Variants in SPSB4 observed in about 807,000 individuals in gnomAD.
SPSB4 encodes the protein splA/ryanodine receptor domain and SOCS box containing 4.
Under a neutral mutation model 20.9 loss-of-function variants are expected in SPSB4, and 21 were observed. The observed-to-expected ratio is 1.01, with a 90% CI of 0.71 to 1.45. SPSB4 has a LOEUF of 1.45. Among genes scored for constraint, SPSB4 ranks in the 40% most tolerant of loss-of-function variants. The pLI, the probability that SPSB4 is intolerant of heterozygous loss-of-function variation, is 0.00. For missense variants in SPSB4, 399 were observed against 399.2 expected (o/e 1.00, Z 0.00); for synonymous variants, 207 against 183.8 (o/e 1.13, Z -1.02).
chr3:141,064,793 C>T (rs557988571), intron 1 of SPSB4, among the ~76,000 whole-genome samples: 118 of 152,340 alleles, frequency 7.7e-4, no homozygotes, highest in African/African-American at 2.7e-3. Flanking sequence ...TCTCCATACC[C>T]AGGGCCCGTC....
At chr3:141,134,056 C>CTTTTTTTTTTTTTTTTTT (rs1222303281) in intron 2 of SPSB4, among the ~76,000 whole-genome samples, 6 of 61,632 alleles carry the variant, frequency 9.7e-5, no homozygotes, top group Admixed American at 4.4e-4. Context: ...TTTCTTTTTT[C>CTTTTTTTTTTTTTTTTTT]TTTTTTTTTT....
At chr3:141,114,051 G>T (rs971086703) in intron 2 of SPSB4, among the ~76,000 whole-genome samples, 1 of 152,166 alleles carries the variant, frequency 6.6e-6, no homozygotes, top group Non-Finnish European at 1.5e-5. Flanking sequence ...TCACACCACT[G>T]CACTCTAGCC....
chr3:141,074,553 C>G (rs16851047), intron 2 of SPSB4, among the ~76,000 whole-genome samples: 19,474 of 152,224 alleles, frequency 0.13, 4,005 homozygotes, highest in African/African-American at 0.44. Context: ...CTGAGGTTCA[C>G]AGGCCATTGT....
chr3:141,072,573 G>A (rs541205185), intron 2 of SPSB4, among the ~76,000 whole-genome samples: 6 of 152,170 alleles, frequency 3.9e-5, no homozygotes, highest in Admixed American at 1.3e-4. Context: ...TTTGCCTTTC[G>A]TCATGAGTAA....
At position 141,137,100 on chromosome 3, in the gene SPSB4, C is replaced by T. The variant is rs538185290; in HGVS notation, c.695-10042C>T. ...CCTAGGTATTTTATTCTCTTTGAAGCAACTTTGAATGGGAGTTCACTCATG... is the reference window on the plus strand; with the variant it reads ...CCTAGGTATTTTATTCTCTTTGAAGTAACTTTGAATGGGAGTTCACTCATG... On this transcript the variant is annotated intron_variant, in intron 2 of 2. Coordinates refer to ENST00000310546, the MANE Select transcript of SPSB4 (RefSeq NM_080862.3). 3.3e-5 allele frequency among the ~76,000 whole-genome samples: 5 copies of T among 152,222 alleles called. No individual in the cohort carries two copies. The South Asian group carries it at 1.0e-3, about 32-fold the overall frequency.
intron 2 of SPSB4, among the ~76,000 whole-genome samples, chr3:141,140,238 A>AT (rs536439818): frequency 1.3e-5 from 2 of 151,544 alleles, no homozygotes; most frequent in African/African-American, 2.4e-5. Flanking sequence ...CATTCGTCTA[A>AT]TTTTTTTTCA....
At position 141,070,661 on chromosome 3, in the gene SPSB4, G is replaced by A. The variant is rs1188848901; in HGVS notation, c.694+3863G>A. On this transcript the variant is annotated intron_variant, in intron 2 of 2. Transcript: ENST00000310546. ...CCCAAAGCACTGGGATTACAGGCGT[G>A]AGACACGTCACCCGGCCATTTTGCA... Among the ~76,000 whole-genome samples the A allele has an allele frequency of 3.3e-5, 5 of 152,192 alleles. 1 individual carries two copies. The highest frequency in any genetic ancestry group is 9.7e-5 in the African/African-American group (4 of 41,430).
intron 2 of SPSB4, among the ~76,000 whole-genome samples, chr3:141,070,507 A>G (rs996890336): frequency 1.2e-4 from 18 of 151,930 alleles, no homozygotes; most frequent in African/African-American, 4.4e-4. Flanking sequence ...ATATATAAAT[A>G]TGAATGAAAC....
At chr3:141,113,199 G>A (rs1390822399) in intron 2 of SPSB4, among the ~76,000 whole-genome samples, 1 of 152,158 alleles carries the variant, frequency 6.6e-6, no homozygotes, top group East Asian at 1.9e-4. Context: ...AATGTAAAAC[G>A]ATGCAGCTGC....
Position 141,066,356 on chromosome 3 carries a change from C to G in SPSB4, c.252C>G (p.Thr84=). 2.6e-6 allele frequency: 4 copies of G among 1,559,156 alleles called. No individual in the cohort carries two copies. The South Asian group carries it at 4.7e-5, about 18-fold the overall frequency. Residue 84 remains threonine (T), a synonymous_variant, in exon 2 of 3, where the codon ACC becomes ACG. Coordinates refer to ENST00000310546, the MANE Select transcript of SPSB4 (RefSeq NM_080862.3). ...ACCGGCACCCCGTGGCCCAGAGCAC[C>G]GACGGCATCCGCGGCAAGGTGGGCC... The part of the protein sequence containing the change: ...TFHRHPVAQS[T]DGIRGKVGHA...
intron 2 of SPSB4, among the ~76,000 whole-genome samples, chr3:141,143,297 G>A (rs758101624): frequency 7.2e-5 from 11 of 152,200 alleles, no homozygotes; most frequent in Non-Finnish European, 1.3e-4. Flanking sequence ...TACTTGGTTG[G>A]TGGATTTTTA....
chr3:141,107,962 AAAAT>A (rs1335605201), intron 2 of SPSB4, among the ~76,000 whole-genome samples: 17 of 121,482 alleles, frequency 1.4e-4, no homozygotes, highest in Non-Finnish European at 2.7e-4. Context: ...CTTAAAAAAA[AAAAT>A]AAAATAAAAG....
intron 2 of SPSB4, among the ~76,000 whole-genome samples, chr3:141,078,742 T>C (rs1338386108): frequency 2.6e-5 from 4 of 152,218 alleles, no homozygotes; most frequent in African/African-American, 4.8e-5. Context: ...CCAAGCACTC[T>C]GCCAAAAGCC....
intron 2 of SPSB4, among the ~76,000 whole-genome samples, chr3:141,086,795 A>G (rs1430567399): frequency 6.6e-6 from 1 of 152,206 alleles, no homozygotes. Context: ...TCAGCACTTT[A>G]TATGTGTCAC....
intron 2 of SPSB4, among the ~76,000 whole-genome samples, chr3:141,128,088 C>T (rs934629989): frequency 2.0e-5 from 3 of 152,152 alleles, no homozygotes; most frequent in African/African-American, 2.4e-5. Flanking sequence ...GACGGCCCTG[C>T]GGCCTCCAGG....
intron 2 of SPSB4, among the ~76,000 whole-genome samples, chr3:141,098,182 A>G (rs1938571651): frequency 2.0e-5 from 3 of 152,202 alleles, no homozygotes; most frequent in Admixed American, 2.0e-4. Context: ...CTGCAATGCT[A>G]TGGTTAAAAA....
intron 2 of SPSB4, among the ~76,000 whole-genome samples, chr3:141,114,736 T>G (rs1938858363): frequency 6.6e-6 from 1 of 152,236 alleles, no homozygotes; most frequent in Non-Finnish European, 1.5e-5. Context: ...TTCTGCCTTT[T>G]CCCAATTCAA....
chr3:141,143,195 G>T lies in SPSB4; in HGVS notation c.695-3947G>T, dbSNP rs545868537. ...AGAATCGCTACTCTTGCTTGCTTCT[G>T]GTTTCCATTTGCATGGAATATCTCT... On this transcript the variant is annotated intron_variant, in intron 2 of 2. Transcript: ENST00000310546. Among the ~76,000 whole-genome samples, 62 of 152,212 alleles carry T rather than the reference G, an allele frequency of 4.1e-4. 1 individual carries two copies. Among genetic ancestry groups the T allele is most frequent in the Admixed American group, 1.8e-3 (28 of 15,274 alleles).
At chr3:141,088,766 C>T (rs569856537) in intron 2 of SPSB4, among the ~76,000 whole-genome samples, 4 of 152,258 alleles carry the variant, frequency 2.6e-5, no homozygotes, top group Non-Finnish European at 4.4e-5. Context: ...AGCTCATTCA[C>T]ACATTCTCTC....
Sources: gnomAD v4.1 joint callset for allele counts (sites outside exome capture counted in the v4.1 genomes callset) on GRCh38, gnomAD v4.1.1 for gene constraint, MANE v1.5 for transcripts, NCBI Gene and HGNC (gene_info 2026-07-23, HGNC 2026-07-21) for gene names.